Variants in MECR observed in about 807,000 individuals in gnomAD.
MECR encodes enoyl-[acyl-carrier-protein] reductase, mitochondrial.
Under a neutral mutation model 49.1 loss-of-function variants are expected in MECR, and 37 were observed. That is an observed-to-expected ratio of 0.75 (90% CI 0.58 to 0.99). The LOEUF is 0.99. Among genes scored for constraint, MECR ranks in the 50% least tolerant of loss-of-function variants. MECR has a pLI of 0.00. For synonymous variants in MECR, 198 were observed against 191.1 expected (o/e 1.04, Z -0.30); for missense variants, 470 against 479.6 (o/e 0.98, Z 0.19).
At chr1:29,189,219 G>T, downstream of MECR, among the ~76,000 whole-genome samples, 1 of 144,622 alleles carries the variant, frequency 6.9e-6, no homozygotes, top group East Asian at 1.9e-4. Flanking sequence ...TTACAGGTGT[G>T]AGCCACTGTG....
chr1:29,179,505 G>C, the MECR span, among the ~76,000 whole-genome samples: 1 of 152,064 alleles, frequency 6.6e-6, no homozygotes, highest in African/African-American at 2.4e-5. Context: ...GACTATAGGC[G>C]AGTGTCACCA....
intron 7 of MECR, among the ~76,000 whole-genome samples, chr1:29,198,315 T>A (rs964421246): frequency 2.6e-5 from 4 of 152,194 alleles, no homozygotes; most frequent in Admixed American, 6.5e-5. Context: ...AGAGGGTTTA[T>A]ATAACCCCCA....
In MECR at chr1:29,201,291, G is replaced by T. The variant is rs973424877; in HGVS notation, c.756+652C>A. ...CTGATCTACTGCTTCAGAAATGTTC[G>T]CAAGAAGCGCATGCTCTTGAGTGTG... is the stretch of plus-strand genomic sequence containing the variant. On this transcript the variant is annotated intron_variant, in intron 6 of 9. Transcript: ENST00000263702. The surrounding 1 kb of genome is among the most constrained non-coding windows in gnomAD (Gnocchi z 4.3). 2 of 464,122 alleles carry T rather than the reference G, an allele frequency of 4.3e-6. No individual in the cohort carries two copies. Among genetic ancestry groups the T allele is most frequent in the Admixed American group, 5.5e-5 (2 of 36,218 alleles). 28.8% of individuals were successfully genotyped at this position (464,122 alleles called of 1,614,324 possible).
chr1:29,189,508 C>T (rs545386448), downstream of MECR, among the ~76,000 whole-genome samples: 20 of 152,318 alleles, frequency 1.3e-4, no homozygotes, highest in Non-Finnish European at 2.1e-4. Context: ...CCGCTGTGCC[C>T]GGACCGTCTG....
the MECR span, among the ~76,000 whole-genome samples, chr1:29,184,412 G>A: frequency 3.3e-5 from 5 of 152,152 alleles, no homozygotes; most frequent in Non-Finnish European, 7.4e-5. Context: ...CCTGACCTCA[G>A]GTGAGGTGGC....
At chr1:29,180,070 G>A in the MECR span, among the ~76,000 whole-genome samples, 1 of 152,176 alleles carries the variant, frequency 6.6e-6, no homozygotes, top group Non-Finnish European at 1.5e-5. Context: ...TAAGCCAAAT[G>A]CTTTACATTT....
intron 1 of MECR, chr1:29,223,571 T>G (rs1681309903): frequency 6.6e-6 from 1 of 152,438 alleles, no homozygotes; most frequent in Non-Finnish European, 1.5e-5. Flanking sequence ...CCAAGAATGT[T>G]TGTGTCATCA....
intron 5 of MECR, 140 bp downstream of exon 5, chr1:29,202,991 A>G: frequency 3.2e-6 from 2 of 622,078 alleles, no homozygotes; most frequent in Non-Finnish European, 5.5e-6. Flanking sequence ...CATCTGTTTC[A>G]GCCGCCAACT....
Position 29,206,774 on chromosome 1 carries a change from G to C in MECR, c.538C>G (p.Gln180Glu). ...TGTGGGTTCCTACCTGGCTGCAGTT[G>C]CTCGAAGTCCATCAACATCCTGTAG... ...TAYRMLMDFE[Q>E]LQPGDSVIQN... The change falls in exon 4 of 10, where the codon CAA (glutamine) becomes GAA (glutamate). Residue 180 changes from glutamine (Q) to glutamate (E), a missense_variant. Physicochemically the swap from Gln to Glu is conservative, Grantham distance 29. Coordinates refer to ENST00000263702, the MANE Select transcript of MECR (RefSeq NM_016011.5). 6.2e-7 allele frequency: 1 copy of C among 1,614,086 alleles called. No homozygotes were observed. Among genetic ancestry groups the C allele is most frequent in the Non-Finnish European group, 8.5e-7 (1 of 1,179,978 alleles).
intron 1 of MECR, chr1:29,220,864 T>G: frequency 1.0e-6 from 1 of 973,824 alleles, no homozygotes; most frequent in Non-Finnish European, 1.2e-6. Context: ...AAATGACAGC[T>G]GTTATCAGTT....
intron 3 of MECR, among the ~76,000 whole-genome samples, chr1:29,209,696 T>C (rs1043155480): frequency 1.4e-4 from 22 of 152,100 alleles, no homozygotes; most frequent in African/African-American, 5.1e-4. Flanking sequence ...GTGAAGAGGG[T>C]AGGCTTTGGA....
chr1:29,174,736 C>T, the MECR span, among the ~76,000 whole-genome samples: 16,771 of 148,846 alleles, frequency 0.11, 1,302 homozygotes, highest in East Asian at 0.4. Flanking sequence ...TGCAGTGGCC[C>T]GATCTAGGCT....
At chr1:29,222,473 G>A (rs1487604629) in intron 1 of MECR, among the ~76,000 whole-genome samples, 1 of 152,118 alleles carries the variant, frequency 6.6e-6, no homozygotes, top group Non-Finnish European at 1.5e-5. Context: ...CTGACTACAC[G>A]TTAGTCATAA....
In MECR at chr1:29,196,006, A is replaced by G. The variant is rs762628630; in HGVS notation, c.899T>C (p.Leu300Pro). 1 of 1,614,100 alleles carries G rather than the reference A, an allele frequency of 6.2e-7. No individual in the cohort carries two copies. The highest frequency in any genetic ancestry group is 8.5e-7 in the Non-Finnish European group (1 of 1,180,044). Residue 300 changes from leucine to proline, a missense_variant, in exon 9 of 10, where the codon CTC becomes CCC. Leu to Pro is a moderately conservative substitution (Grantham distance 98, BLOSUM62 -3). Transcript: ENST00000263702. ...TCGAAGTTTGAGATCCTTAAAAATG[A>G]GCAGGCTCTGCAGACACAGGAAGGA... is the stretch of plus-strand genomic sequence containing the variant. ...KQPVVASVSL[L>P]IFKDLKLRGF...
chr1:29,168,608 G>A, the MECR span: 1 of 152,108 alleles, frequency 6.6e-6, no homozygotes, highest in Admixed American at 6.6e-5. Context: ...TGGTCCTTCC[G>A]AAAACATGTG....
the MECR span, chr1:29,181,831 G>A: frequency 1.7e-6 from 2 of 1,177,256 alleles, no homozygotes; most frequent in Non-Finnish European, 2.2e-6. Flanking sequence ...CACGGCGGCA[G>A]CGGCGGCGGC....
Position 29,203,127 on chromosome 1 carries a change from G to C in MECR, c.653+4C>G. ...TCTGGGATGAAGCCTCCTTCCCCAC[G>C]CACCTGTCTCGGACCACATTGATGG... On this transcript the variant is annotated splice_donor_region_variant and intron_variant, in intron 5 of 9. Coordinates refer to ENST00000263702, the MANE Select transcript of MECR (RefSeq NM_016011.5). The C allele has an allele frequency of 6.4e-7, 1 of 1,566,472 alleles. No individual in the cohort carries two copies. Among genetic ancestry groups the C allele is most frequent in the Non-Finnish European group, 8.7e-7 (1 of 1,152,404 alleles).
At chr1:29,223,553 G>C (rs1681302010) in intron 1 of MECR, 1 of 152,636 alleles carries the variant, frequency 6.6e-6, no homozygotes, top group Admixed American at 6.5e-5. Flanking sequence ...CGTCTACTTA[G>C]TACAGAACCA....
the MECR span, among the ~76,000 whole-genome samples, chr1:29,168,183 T>A: frequency 7.8e-6 from 1 of 127,444 alleles, no homozygotes; most frequent in Non-Finnish European, 1.7e-5. Flanking sequence ...CCCGGCAAAT[T>A]TTTTGTAATT....
Sources: gnomAD v4.1 joint callset for allele counts (sites outside exome capture counted in the v4.1 genomes callset) on GRCh38, gnomAD v4.1.1 for gene constraint, Gnocchi (gnomAD v3.1) non-coding constraint, MANE v1.5 for transcripts, NCBI Gene and HGNC (gene_info 2026-07-23, HGNC 2026-07-21) for gene names.